Variants in ACACA observed in about 807,000 individuals in gnomAD.
The protein encoded by ACACA is acetyl-CoA carboxylase alpha, also known as acetyl-CoA carboxylase 1.
ACACA carries 103 observed loss-of-function variants against 296.1 expected under a neutral mutation model. The ratio of observed to expected loss-of-function variants is 0.35; its 90% CI spans 0.30 to 0.41. The LOEUF (loss-of-function observed/expected upper bound fraction) is 0.41, where lower values mean the gene tolerates loss of function less well. ACACA is among the 10% of genes least tolerant of loss of function. The probability of loss-of-function intolerance (pLI) is 1.00; values close to 1 mark genes in which losing one functional copy is unlikely to be tolerated. For synonymous variants in ACACA, 953 were observed against 1,038.6 expected, an observed-to-expected ratio of 0.92 and a Z score of 1.58; for missense variants, 1,554 against 2,989.7, an observed-to-expected ratio of 0.52 and a Z score of 11.20.
chr17:37,171,990 T>A (rs960698437), intron 41 of ACACA, among the ~76,000 whole-genome samples: 6 of 152,286 alleles, frequency 3.9e-5, no homozygotes, highest in African/African-American at 1.2e-4. Context: ...ATCATACGAA[T>A]GAGTGCTGAA....
chr17:37,356,440 G>A (rs910650924), intron 1 of ACACA, among the ~76,000 whole-genome samples: 6 of 151,832 alleles, frequency 4.0e-5, no homozygotes, highest in South Asian at 2.1e-4. Flanking sequence ...GTACAGTGGC[G>A]CAATCTCAGC....
chr17:37,131,165 C>T (rs1037045975), intron 45 of ACACA, among the ~76,000 whole-genome samples: 1 of 151,972 alleles, frequency 6.6e-6, no homozygotes, highest in Non-Finnish European at 1.5e-5. Context: ...GGCCTCAATC[C>T]CTGGTATATC....
intron 2 of ACACA, among the ~76,000 whole-genome samples, chr17:37,330,900 A>G (rs1213026047): frequency 6.6e-6 from 1 of 151,956 alleles, no homozygotes; most frequent in Non-Finnish European, 1.5e-5. Flanking sequence ...TTGAGAGGCT[A>G]TAACTTTTAT....
At chr17:37,134,577 A>G (rs2075253289) in intron 45 of ACACA, among the ~76,000 whole-genome samples, 1 of 152,172 alleles carries the variant, frequency 6.6e-6, no homozygotes, top group South Asian at 2.1e-4. Context: ...AGATGTGAAA[A>G]ATTATCATGC....
intron 45 of ACACA, among the ~76,000 whole-genome samples, chr17:37,139,898 C>T (rs2075491991): frequency 6.6e-6 from 1 of 152,222 alleles, no homozygotes; most frequent in South Asian, 2.1e-4. Flanking sequence ...CACAAAAGTA[C>T]ATGAGAAAGA....
At chr17:37,281,766 T>C (rs1039140560) in intron 5 of ACACA, among the ~76,000 whole-genome samples, 6 of 152,088 alleles carry the variant, frequency 3.9e-5, no homozygotes, top group African/African-American at 1.4e-4. Context: ...CTTGGGAGGC[T>C]GAGACAGAAG....
chr17:37,201,830 T>C (rs1403162145), intron 33 of ACACA, among the ~76,000 whole-genome samples: 10 of 152,332 alleles, frequency 6.6e-5, no homozygotes, highest in African/African-American at 2.2e-4. Flanking sequence ...TTAAATTGTC[T>C]TCCCCTTATA....
intron 9 of ACACA, among the ~76,000 whole-genome samples, chr17:37,271,335 G>C (rs1335244389): frequency 6.6e-6 from 1 of 152,102 alleles, no homozygotes; most frequent in African/African-American, 2.4e-5. Context: ...GACCAACATG[G>C]AGAAACCCCG....
chr17:37,280,574 G>A (rs1204547419), intron 5 of ACACA, among the ~76,000 whole-genome samples: 1 of 152,070 alleles, frequency 6.6e-6, no homozygotes, highest in Non-Finnish European at 1.5e-5. Flanking sequence ...CAGATAACAT[G>A]AAGAATAATA....
At chr17:37,222,700 C>G (rs369270449) in intron 28 of ACACA, among the ~76,000 whole-genome samples, 1 of 152,310 alleles carries the variant, frequency 6.6e-6, no homozygotes, top group South Asian at 2.1e-4. Flanking sequence ...AATTTACACT[C>G]TACCACAGAG....
chr17:37,123,641 C>T (rs1222822600), intron 48 of ACACA, among the ~76,000 whole-genome samples: 3 of 152,168 alleles, frequency 2.0e-5, no homozygotes, highest in African/African-American at 4.8e-5. Flanking sequence ...CCTGTCATCA[C>T]AAGAGGGCTG....
At chr17:37,119,589 AACACACACACACACACACACACACACAC>A (rs71368443) in intron 50 of ACACA, among the ~76,000 whole-genome samples, 4 of 128,352 alleles carry the variant, frequency 3.1e-5, no homozygotes, top group Admixed American at 2.3e-4. Flanking sequence ...TTTTCAACCA[AACACACACACACACACACACACACACAC>A]ACACACACAC....
chr17:37,394,637 G>A (rs1263463087), intron 1 of ACACA, among the ~76,000 whole-genome samples: 1 of 151,092 alleles, frequency 6.6e-6, no homozygotes, highest in East Asian at 2.0e-4. Flanking sequence ...AGCACTTTGG[G>A]AGGCCGAGGC....
At chr17:37,176,705 T>TTC in intron 41 of ACACA, among the ~76,000 whole-genome samples, 1 of 152,194 alleles carries the variant, frequency 6.6e-6, no homozygotes, top group Admixed American at 6.5e-5. Context: ...TCCCTCAGAG[T>TTC]TCTGACTGCT....
chr17:37,232,778 G>GT (rs149023880), intron 25 of ACACA, among the ~76,000 whole-genome samples: 1,828 of 147,238 alleles, frequency 0.012, 38 homozygotes, highest in African/African-American at 0.038. Context: ...TTTTGTTTTT[G>GT]TTTTTTTTTT....
chr17:37,169,135 C>A (rs1052125179), intron 41 of ACACA, among the ~76,000 whole-genome samples: 1 of 152,198 alleles, frequency 6.6e-6, no homozygotes, highest in Non-Finnish European at 1.5e-5. Context: ...CACATGGTGT[C>A]AACAGATGCA....
Position 37,094,787 on chromosome 17 carries a change from G to A in ACACA, c.6891+2209C>T, listed in dbSNP as rs995393163. ...ACATCATAGGATTACCCGTCCTCAC[G>A]TTCAGTCCTTGGCATTCCTCTCAGA... is the stretch of plus-strand genomic sequence containing the variant. On this transcript the variant is annotated intron_variant, in intron 54 of 55. Coordinates refer to ENST00000616317, the MANE Select transcript of ACACA (RefSeq NM_198834.3). Among the ~76,000 whole-genome samples, 12 of 152,308 alleles carry A rather than the reference G, an allele frequency of 7.9e-5. No homozygotes were observed. The South Asian group carries it at 8.3e-4, about 11-fold the overall frequency.
intron 1 of ACACA, among the ~76,000 whole-genome samples, chr17:37,385,680 G>C (rs1597771512): frequency 6.6e-6 from 1 of 152,172 alleles, no homozygotes; most frequent in East Asian, 1.9e-4. Context: ...TTTAAAGAAG[G>C]AAACTGTCAA....
chr17:37,406,464 C>T lies in ACACA; in HGVS notation c.-165G>A, dbSNP rs539442640. On this transcript the variant is annotated 5_prime_UTR_variant, in exon 1 of 56. Coordinates refer to ENST00000616317, the MANE Select transcript of ACACA (RefSeq NM_198834.3). ...CACGAGCAGCCCTTCGGGGCCCGGA[C>T]TGGAGAGGCGCCACGGCTCGCCGTC... 12 of 708,604 alleles carry T rather than the reference C, an allele frequency of 1.7e-5. No homozygotes were observed. The African/African-American group carries it at 2.1e-4, about 13-fold the overall frequency. The allele number at this position is 708,604 out of a possible 1,614,324, so 43.9% of individuals were successfully genotyped here.
Sources: allele counts gnomAD v4.1 joint callset (sites outside exome capture counted in the v4.1 genomes callset), GRCh38; gene constraint gnomAD v4.1.1; transcripts MANE v1.5; gene names NCBI Gene and HGNC (gene_info 2026-07-23, HGNC 2026-07-21).